Variants in COL24A1 observed in about 807,000 individuals in gnomAD.
The protein encoded by COL24A1 is collagen type XXIV alpha 1 chain.
In COL24A1, 224 loss-of-function variants were observed where a neutral mutation model predicts 253.9. The ratio of observed to expected loss-of-function variants is 0.88; its 90% CI spans 0.79 to 0.99. The LOEUF is 0.99. Ranked by LOEUF, COL24A1 falls within the 50% of genes least tolerant of loss-of-function variation. The probability of loss-of-function intolerance (pLI) is 0.00; values close to 1 mark genes in which losing one functional copy is unlikely to be tolerated. For synonymous variants in COL24A1, 685 were observed against 673.7 expected (o/e 1.02, Z -0.26); for missense variants, 2,131 against 2,068.5 (o/e 1.03, Z -0.59).
intron 47 of COL24A1, among the ~76,000 whole-genome samples, chr1:85,802,847 T>G (rs1671580694): frequency 6.6e-6 from 1 of 152,216 alleles, no homozygotes; most frequent in South Asian, 2.1e-4. Flanking sequence ...ATGTATCTTT[T>G]TGTCTGTTTT....
intron 24 of COL24A1, among the ~76,000 whole-genome samples, chr1:85,945,898 C>T (rs983391550): frequency 6.6e-6 from 1 of 152,058 alleles, no homozygotes; most frequent in African/African-American, 2.4e-5. Flanking sequence ...ATTTCATCTG[C>T]ACATCTGGGC....
At chr1:85,871,933 G>C (rs571346340) in intron 35 of COL24A1, among the ~76,000 whole-genome samples, 2 of 152,304 alleles carry the variant, frequency 1.3e-5, no homozygotes, top group East Asian at 3.9e-4. Flanking sequence ...TGACATGATT[G>C]TATATTTAGA....
At chr1:85,881,918 G>GA (rs1681890833) in intron 32 of COL24A1, among the ~76,000 whole-genome samples, 1 of 151,974 alleles carries the variant, frequency 6.6e-6, no homozygotes, top group South Asian at 2.1e-4. Context: ...AGTTTCCTAG[G>GA]ATGGAAGCTT....
At chr1:85,816,945 A>C (rs1206645743) in intron 46 of COL24A1, 50 bp from the exon 47 acceptor site, 1 of 1,309,156 alleles carries the variant, frequency 7.6e-7, no homozygotes, top group Non-Finnish European at 1.1e-6. Flanking sequence ...AAAGATGTTA[A>C]GATGACAAAT....
At chr1:85,844,634 A>G (rs1194325075) in intron 39 of COL24A1, among the ~76,000 whole-genome samples, 1 of 152,024 alleles carries the variant, frequency 6.6e-6, no homozygotes, top group Non-Finnish European at 1.5e-5. Flanking sequence ...TAAACACGAT[A>G]AAACAACATT....
intron 5 of COL24A1, among the ~76,000 whole-genome samples, chr1:86,096,743 A>T (rs1311276132): frequency 6.6e-6 from 1 of 152,182 alleles, no homozygotes; most frequent in Non-Finnish European, 1.5e-5. Context: ...GCCGAATGTG[A>T]CTAAGAGAAA....
chr1:85,850,675 C>A (rs1044415511), intron 37 of COL24A1, among the ~76,000 whole-genome samples: 1 of 152,112 alleles, frequency 6.6e-6, no homozygotes, highest in African/African-American at 2.4e-5. Flanking sequence ...CTGGCTCTGG[C>A]ACCTAACACC....
chr1:86,132,106 T>A (rs1289816800), intron 2 of COL24A1, among the ~76,000 whole-genome samples: 7 of 152,262 alleles, frequency 4.6e-5, no homozygotes, highest in Non-Finnish European at 8.8e-5. Flanking sequence ...TGCATTTCTC[T>A]GATGGCCAGT....
intron 53 of COL24A1, among the ~76,000 whole-genome samples, chr1:85,762,035 T>C (rs987433077): frequency 6.6e-6 from 1 of 152,160 alleles, no homozygotes; most frequent in Non-Finnish European, 1.5e-5. Context: ...ATTAAATGAA[T>C]GAATGATGTT....
chr1:85,806,196 TAAC>T (rs1381607594), intron 47 of COL24A1, among the ~76,000 whole-genome samples: 1 of 152,066 alleles, frequency 6.6e-6, no homozygotes, highest in African/African-American at 2.4e-5. Flanking sequence ...ACAAATCTAA[TAAC>T]AATTCAACCT....
At chr1:85,856,341 T>G (rs1015232692) in intron 37 of COL24A1, among the ~76,000 whole-genome samples, 13 of 152,274 alleles carry the variant, frequency 8.5e-5, no homozygotes, top group Admixed American at 8.5e-4. Flanking sequence ...TGCTATAAAC[T>G]TCCCTCTTAA....
At chr1:86,148,314 A>G (rs1382742677) in intron 1 of COL24A1, among the ~76,000 whole-genome samples, 4 of 152,012 alleles carry the variant, frequency 2.6e-5, no homozygotes, top group Non-Finnish European at 4.4e-5. Flanking sequence ...CCTCCTGAAT[A>G]GCTGGAATTA....
intron 24 of COL24A1, among the ~76,000 whole-genome samples, chr1:85,914,865 A>G (rs928014905): frequency 1.3e-5 from 2 of 152,196 alleles, no homozygotes; most frequent in Non-Finnish European, 2.9e-5. Flanking sequence ...GGTTACATGC[A>G]GGATAATGAT....
At chr1:85,825,325 G>C (rs1325038868) in intron 43 of COL24A1, among the ~76,000 whole-genome samples, 1 of 152,000 alleles carries the variant, frequency 6.6e-6, no homozygotes, top group African/African-American at 2.4e-5. Context: ...GTCTATCATT[G>C]TTGGACATTT....
In COL24A1 at chr1:85,744,675, C is replaced by T. The variant is rs2100933238; in HGVS notation, c.4663G>A (p.Val1555Ile). 6.2e-7 allele frequency: 1 copy of T among 1,605,036 alleles called. No individual in the cohort carries two copies. The highest frequency in any genetic ancestry group is 8.5e-7 in the Non-Finnish European group (1 of 1,176,086). ...CKDLLNCEQKVSDGKYWIDPN... is the reference protein window; with the variant it reads ...CKDLLNCEQKISDGKYWIDPN... ...GTAACCAAGAACTTACCATCTGATA[C>T]TTTTTGTTCACAGTTAAGTAAATCT... Residue 1555 changes from valine (V) to isoleucine (I), a missense_variant, in exon 57 of 60, where the codon GTA becomes ATA. Coordinates refer to ENST00000370571, the MANE Select transcript of COL24A1 (RefSeq NM_152890.7).
At chr1:86,101,022 T>A (rs1188396324) in intron 5 of COL24A1, among the ~76,000 whole-genome samples, 5 of 151,952 alleles carry the variant, frequency 3.3e-5, no homozygotes. Flanking sequence ...CCCCTGAGCT[T>A]GCAGTTTGTC....
Position 86,124,897 on chromosome 1 carries a change from G to A in COL24A1, c.1439C>T (p.Thr480Ile). ...TCTCAGATACTCCATTTCAAGCATTGTATTTAGATCCTCATAATAATAATA... is the reference window on the plus strand; with the variant it reads ...TCTCAGATACTCCATTTCAAGCATTATATTTAGATCCTCATAATAATAATA... ...YDYYYYEDLN[T>I]MLEMEYLRGP... Residue 480 changes from threonine (T) to isoleucine (I), a missense_variant, in exon 3 of 60, where the codon ACA (threonine) becomes ATA (isoleucine). By Grantham distance (89) the Thr-to-Ile change is moderately conservative. Coordinates refer to ENST00000370571, the MANE Select transcript of COL24A1 (RefSeq NM_152890.7). 1 of 1,605,772 alleles carries A rather than the reference G, an allele frequency of 6.2e-7. No individual in the cohort carries two copies. The highest frequency in any genetic ancestry group is 1.1e-5 in the South Asian group (1 of 89,416).
intron 37 of COL24A1, among the ~76,000 whole-genome samples, chr1:85,864,544 T>C (rs1012517250): frequency 1.1e-4 from 17 of 152,186 alleles, no homozygotes; most frequent in African/African-American, 3.9e-4. Context: ...AGTATATATA[T>C]AAAAAATAGA....
intron 4 of COL24A1, among the ~76,000 whole-genome samples, chr1:86,113,837 CAAA>C (rs36014881): frequency 0.01 from 749 of 72,466 alleles, 7 homozygotes; most frequent in African/African-American, 0.044. Context: ...TCCTGTCTCA[CAAA>C]AAAAAAAAAA....
Sources: gnomAD v4.1 joint callset for allele counts (sites outside exome capture counted in the v4.1 genomes callset) on GRCh38, gnomAD v4.1.1 for gene constraint, MANE v1.5 for transcripts, NCBI Gene and HGNC (gene_info 2026-07-23, HGNC 2026-07-21) for gene names.